The following IQSEC1 variants were observed in gnomAD, a reference collection of about 807,000 sequenced individuals.
IQSEC1 encodes IQ motif and SEC7 domain-containing protein 1.
A neutral mutation model predicts 91.0 loss-of-function variants in IQSEC1; 31 were observed. The observed-to-expected ratio is 0.34, with a 90% CI of 0.26 to 0.46. IQSEC1 has a LOEUF of 0.46. Among genes scored for constraint, IQSEC1 ranks in the 20% least tolerant of loss-of-function variants. The pLI, the probability that IQSEC1 is intolerant of heterozygous loss-of-function variation, is 1.00. For missense variants in IQSEC1, 1,388 were observed against 1,575.6 expected, an observed-to-expected ratio of 0.88 and a Z score of 2.02; for synonymous variants, 699 against 662.6, an observed-to-expected ratio of 1.05 and a Z score of -0.84.
intron 1 of IQSEC1, among the ~76,000 whole-genome samples, chr3:13,268,440 G>A (rs538986676): frequency 6.6e-6 from 1 of 152,302 alleles, no homozygotes; most frequent in South Asian, 2.1e-4. Context: ...GGAAGCTGCT[G>A]TCTCCAGGAG....
chr3:13,190,554 T>TTAAAAAAAA (rs1559273733), intron 1 of IQSEC1, among the ~76,000 whole-genome samples: 3 of 45,958 alleles, frequency 6.5e-5, no homozygotes, highest in African/African-American at 1.6e-4. Flanking sequence ...AGACCCTGTC[T>TTAAAAAAAA]CAAAAAAAAA....
chr3:13,092,491 A>G (rs1411763124), intron 2 of IQSEC1, among the ~76,000 whole-genome samples: 1 of 152,098 alleles, frequency 6.6e-6, no homozygotes, highest in Non-Finnish European at 1.5e-5. Context: ...CATCTGGGTT[A>G]GGCTAAAATA....
At chr3:13,052,830 A>G (rs1330815150) in intron 1 of IQSEC1, 6 of 628,162 alleles carry the variant, frequency 9.6e-6, no homozygotes, top group African/African-American at 1.8e-5. Context: ...CGTTCATAAC[A>G]TATTCAGAGA....
chr3:12,901,340 G>T lies in IQSEC1; in HGVS notation c.2988C>A (p.His996Gln), dbSNP rs1216106096. The part of the protein sequence containing the change: ...LPSAPALPPP[H>Q]PPVVLPHLQH... ...GCAAGTGAGGCAGGACCACCGGTGG[G>T]TGGGGGGGTGGCAGGGCTGGGGCTG... Residue 996 changes from histidine to glutamine, a missense_variant, in exon 14 of 14, where the codon CAC becomes CAA. His to Gln is a conservative substitution (Grantham distance 24). Around this residue, in one of 2 missense-constraint regions of IQSEC1, gnomAD observed 329 missense variants for 257.8 expected, o/e 1.28. Coordinates refer to ENST00000613206, the MANE Select transcript of IQSEC1 (RefSeq NM_001134382.3). 2 of 1,531,076 alleles carry T rather than the reference G, an allele frequency of 1.3e-6. No individual in the cohort carries two copies. Among genetic ancestry groups the T allele is most frequent in the Non-Finnish European group, 1.8e-6 (2 of 1,136,226 alleles). The allele number at this position is 1,531,076 out of a possible 1,614,324, so 94.8% of individuals were successfully genotyped here. A position where few individuals can be genotyped will look rare whatever the true frequency, so the allele number is the denominator to read the frequency against.
At chr3:12,964,376 T>C (rs915992407) in intron 1 of IQSEC1, among the ~76,000 whole-genome samples, 5 of 152,036 alleles carry the variant, frequency 3.3e-5, no homozygotes, top group African/African-American at 1.2e-4. Context: ...TTTGAGCCCA[T>C]CTGGGCTGTG....
chr3:13,059,451 G>A (rs561292167), intron 1 of IQSEC1, among the ~76,000 whole-genome samples: 8 of 152,328 alleles, frequency 5.3e-5, no homozygotes, highest in Admixed American at 2.0e-4. Context: ...GGCCTGGCAC[G>A]GGGTGCCCTC....
chr3:13,140,693 A>T (rs1706785826), intron 2 of IQSEC1, among the ~76,000 whole-genome samples: 1 of 152,178 alleles, frequency 6.6e-6, no homozygotes, highest in African/African-American at 2.4e-5. Context: ...CAGCACAGGG[A>T]GCAATGCTGA....
At chr3:13,026,282 C>A (rs765532001) in intron 1 of IQSEC1, among the ~76,000 whole-genome samples, 2 of 152,232 alleles carry the variant, frequency 1.3e-5, no homozygotes, top group African/African-American at 2.4e-5. Flanking sequence ...AGGGTTCCCC[C>A]CTTCTGCCAG....
In IQSEC1 at chr3:13,073,069, A is replaced by C; in HGVS notation, c.-55T>G. The C allele has an allele frequency of 6.4e-7, 1 of 1,550,602 alleles. No homozygotes were observed. Among genetic ancestry groups the C allele is most frequent in the South Asian group, 1.2e-5 (1 of 84,010 alleles). The stretch of plus-strand genomic sequence containing the variant: ...GCTCCCTCTCCAGCGGGGAGGCTCA[A>C]CGTGTTTCCAAGAGGAGCAGGCGGC... On this transcript the variant is annotated 5_prime_UTR_variant, in exon 1 of 14. Transcript: ENST00000613206.
intron 2 of IQSEC1, among the ~76,000 whole-genome samples, chr3:13,152,274 T>C (rs1434748127): frequency 6.6e-6 from 1 of 152,218 alleles, no homozygotes; most frequent in African/African-American, 2.4e-5. Flanking sequence ...TCAGGGAGGC[T>C]GACAAGGATT....
chr3:13,213,566 G>C (rs937338984), intron 1 of IQSEC1, among the ~76,000 whole-genome samples: 1 of 152,144 alleles, frequency 6.6e-6, no homozygotes. Context: ...CTGAAGGCAG[G>C]ATTTTATCCA....
chr3:13,027,083 C>T (rs1703649382), intron 1 of IQSEC1, among the ~76,000 whole-genome samples: 1 of 152,090 alleles, frequency 6.6e-6, no homozygotes, highest in Non-Finnish European at 1.5e-5. Flanking sequence ...GCACATACAC[C>T]GAGTTGGCCG....
At position 13,122,248 on chromosome 3, in the gene IQSEC1, T is replaced by C. The variant is rs9825596; in HGVS notation, c.302+41856A>G. 2.6e-3 allele frequency among the ~76,000 whole-genome samples: 389 copies of C among 152,338 alleles called. 3 individuals carry two copies. The highest frequency in any genetic ancestry group is 9.0e-3 in the African/African-American group (373 of 41,582). ...AGCCACGTGAGTGTTCAGGGAAGAA[T>C]GTGCCAGATGGGCGGAGAGCACAGC... is the stretch of plus-strand genomic sequence containing the variant. On this transcript the variant is annotated intron_variant, in intron 2 of 15. Transcript: ENST00000648114.
intron 1 of IQSEC1, among the ~76,000 whole-genome samples, chr3:12,971,734 A>G (rs2125544497): frequency 6.6e-6 from 1 of 152,084 alleles, no homozygotes; most frequent in East Asian, 1.9e-4. Context: ...TCCAACACCA[A>G]AAAAAATTTT....
intron 6 of IQSEC1, among the ~76,000 whole-genome samples, chr3:12,918,163 T>G (rs546224282): frequency 2.0e-5 from 3 of 152,296 alleles, no homozygotes; most frequent in African/African-American, 4.8e-5. Flanking sequence ...TTCTGAAGCA[T>G]GAGGAAGATG....
chr3:13,086,259 C>T (rs763238951), intron 2 of IQSEC1, among the ~76,000 whole-genome samples: 6 of 152,216 alleles, frequency 3.9e-5, no homozygotes, highest in Non-Finnish European at 8.8e-5. Context: ...AATGGACAGA[C>T]TGAGGAGGGT....
rs1695249485 is a variant in IQSEC1, at chr3:12,908,652, T to A, written c.2579-127A>T. On this transcript the variant is annotated intron_variant, in intron 11 of 13. Transcript: ENST00000613206. This position sits in a 1 kb window ranked among gnomAD's most constrained non-coding sequence, Gnocchi z 4.9. ...CTGCTTGGAATGGGGAAGGGTTGTT[T>A]CTGGGAAAGAGGGTGTGATGGCCAC... is the stretch of plus-strand genomic sequence containing the variant. 9.4e-7 allele frequency: 1 copy of A among 1,061,070 alleles called. No individual in the cohort carries two copies. The highest frequency in any genetic ancestry group is 2.2e-5 in the Admixed American group (1 of 45,930). The allele number at this position is 1,061,070 out of a possible 1,614,324, so 65.7% of individuals were successfully genotyped here.
At position 12,900,461 on chromosome 3, in the gene IQSEC1, A is replaced by ATT. The variant is rs1347013922; in HGVS notation, c.*521_*522insAA. The ATT allele has an allele frequency of 1.4e-6, 1 of 707,036 alleles. No homozygotes were observed. The highest frequency in any genetic ancestry group is 1.7e-6 in the Non-Finnish European group (1 of 578,822). The allele number at this position is 707,036 out of a possible 1,614,324, so 43.8% of individuals were successfully genotyped here. A position where few individuals can be genotyped will look rare whatever the true frequency, so the allele number is the denominator to read the frequency against. ...AGTACTACCTATACAGTATATATAT[A>ATT]TATATATTTATATATTTATATATTT... On this transcript the variant is annotated 3_prime_UTR_variant, in exon 14 of 14. Coordinates refer to ENST00000613206, the MANE Select transcript of IQSEC1 (RefSeq NM_001134382.3).
At position 12,941,986 on chromosome 3, in the gene IQSEC1, C is replaced by T. The variant is rs971478199; in HGVS notation, c.24-121G>A. On this transcript the variant is annotated intron_variant, in intron 1 of 13. Transcript: ENST00000613206. ...GCCCCCATGCCCGTTCTTCTCACAC[C>T]CCATGGCTGAGTCCACATGTGCAGC... 8 of 919,628 alleles carry T rather than the reference C, an allele frequency of 8.7e-6. No homozygotes were observed. In the South Asian group the frequency reaches 1.4e-4, roughly 16 times the overall value. 57.0% of individuals were successfully genotyped at this position (919,628 alleles called of 1,614,324 possible).
Sources: gnomAD v4.1 joint callset for allele counts (sites outside exome capture counted in the v4.1 genomes callset) on GRCh38, gnomAD v4.1.1 for gene constraint, gnomAD v4.1.1 regional missense constraint, Gnocchi (gnomAD v3.1) non-coding constraint, MANE v1.5 for transcripts, NCBI Gene and HGNC (gene_info 2026-07-23, HGNC 2026-07-21) for gene names.